DGKB: variants seen among roughly 807,000 people sequenced by gnomAD.
DGKB encodes diacylglycerol kinase beta.
DGKB carries 67 observed loss-of-function variants against 114.3 expected under a neutral mutation model. That is an observed-to-expected ratio of 0.59 (90% confidence interval 0.48 to 0.72). The LOEUF is 0.72. DGKB is among the 30% of genes least tolerant of loss of function. DGKB has a pLI of 0.00. For missense variants in DGKB, 907 were observed against 975.2 expected, an observed-to-expected ratio of 0.93 and a Z score of 0.93; for synonymous variants, 398 against 323.1, an observed-to-expected ratio of 1.23 and a Z score of -2.49.
intron 23 of DGKB, among the ~76,000 whole-genome samples, chr7:14,224,478 CAAT>C: frequency 6.6e-6 from 1 of 152,076 alleles, no homozygotes; most frequent in Admixed American, 6.6e-5. Flanking sequence ...CTGTTTAACT[CAAT>C]ATCTGCTTGC....
At chr7:14,452,089 T>C (rs779351587) in intron 21 of DGKB, among the ~76,000 whole-genome samples, 5 of 152,128 alleles carry the variant, frequency 3.3e-5, no homozygotes, top group Admixed American at 6.6e-5. Flanking sequence ...TTTGACTGTT[T>C]AGAAAATATT....
intron 16 of DGKB, 60 bp downstream of exon 16, chr7:14,613,280 G>C (rs1262435809): frequency 1.0e-6 from 1 of 994,870 alleles, no homozygotes; most frequent in African/African-American, 1.6e-5. Context: ...TTACATCATA[G>C]TTTTGTCTAT....
intron 9 of DGKB, among the ~76,000 whole-genome samples, chr7:14,688,790 T>G (rs1011551001): frequency 6.6e-6 from 1 of 151,916 alleles, no homozygotes; most frequent in African/African-American, 2.4e-5. Flanking sequence ...CCTATTATCC[T>G]AGTGATTCTA....
chr7:14,746,214 G>T, intron 4 of DGKB, among the ~76,000 whole-genome samples: 1 of 152,030 alleles, frequency 6.6e-6, no homozygotes, highest in East Asian at 1.9e-4. Flanking sequence ...TGTGCCTATT[G>T]TCACAGCTAC....
At chr7:14,741,278 C>T (rs1160124771) in intron 4 of DGKB, among the ~76,000 whole-genome samples, 1 of 152,156 alleles carries the variant, frequency 6.6e-6, no homozygotes, top group Non-Finnish European at 1.5e-5. Flanking sequence ...TTTTGGCCTC[C>T]CTCTCCCTGT....
intron 23 of DGKB, among the ~76,000 whole-genome samples, chr7:14,289,638 A>C (rs1014390526): frequency 6.6e-6 from 1 of 152,068 alleles, no homozygotes; most frequent in Non-Finnish European, 1.5e-5. Flanking sequence ...AAGAAGAATA[A>C]TACTATTAAA....
intron 23 of DGKB, among the ~76,000 whole-genome samples, chr7:14,248,276 G>T (rs1362267393): frequency 6.6e-6 from 1 of 152,040 alleles, no homozygotes; most frequent in Non-Finnish European, 1.5e-5. Flanking sequence ...AAATCAAGTA[G>T]TGTGATACAT....
At chr7:14,932,075 GAA>G (rs1785049095) in intron 1 of DGKB, among the ~76,000 whole-genome samples, 1 of 152,172 alleles carries the variant, frequency 6.6e-6, no homozygotes, top group Non-Finnish European at 1.5e-5. Flanking sequence ...CTAGATTGGA[GAA>G]GTTTCTTTTC....
intron 21 of DGKB, among the ~76,000 whole-genome samples, chr7:14,430,970 G>C (rs1046656107): frequency 2.0e-5 from 3 of 152,074 alleles, no homozygotes; most frequent in African/African-American, 7.2e-5. Flanking sequence ...CTACCTCAGA[G>C]AGGAATTTCC....
chr7:14,474,851 G>A (rs1781938924), intron 21 of DGKB, among the ~76,000 whole-genome samples: 1 of 150,890 alleles, frequency 6.6e-6, no homozygotes, highest in Non-Finnish European at 1.5e-5. Flanking sequence ...TGAGTCTAAA[G>A]GACTGGAAGT....
At chr7:14,767,240 T>G (rs1324607009) in intron 2 of DGKB, among the ~76,000 whole-genome samples, 1 of 151,630 alleles carries the variant, frequency 6.6e-6, no homozygotes, top group Admixed American at 6.6e-5. Flanking sequence ...CCCACTAGAA[T>G]GTTGTCCTTT....
chr7:14,836,473 C>T (rs909952147), intron 2 of DGKB, among the ~76,000 whole-genome samples: 6 of 152,238 alleles, frequency 3.9e-5, no homozygotes, highest in Non-Finnish European at 5.9e-5. Context: ...GGAAATATCA[C>T]GTAGATTTCA....
rs73055025 is a variant in DGKB, at chr7:14,867,913, T to G, written c.-187-26463A>C. On this transcript the variant is annotated intron_variant, in intron 1 of 25. Coordinates refer to ENST00000402815, the MANE Select transcript of DGKB (RefSeq NM_001350709.2). Reference sequence around the variant, plus strand: ...CAAACATCATTAGCACTAATTAAGGTAGCTTCAGCGAAGAATCCTGCTGCA... The same window carrying G: ...CAAACATCATTAGCACTAATTAAGGGAGCTTCAGCGAAGAATCCTGCTGCA... Among the ~76,000 whole-genome samples the G allele has an allele frequency of 1.3e-3, 198 of 152,248 alleles. 1 individual carries two copies. Among genetic ancestry groups the G allele is most frequent in the Middle Eastern group, 0.01 (3 of 294 alleles).
intron 23 of DGKB, among the ~76,000 whole-genome samples, chr7:14,319,228 G>A (rs1420434991): frequency 6.6e-6 from 1 of 151,652 alleles, no homozygotes; most frequent in South Asian, 2.1e-4. Flanking sequence ...CGTGGCACAT[G>A]TATACGTATG....
chr7:14,741,518 C>T (rs1202476893), intron 4 of DGKB, among the ~76,000 whole-genome samples: 5 of 152,038 alleles, frequency 3.3e-5, no homozygotes, highest in South Asian at 2.1e-4. Flanking sequence ...TTTTTGTCTC[C>T]GCTATTTTAC....
chr7:14,258,464 T>C (rs1019675109), intron 23 of DGKB, among the ~76,000 whole-genome samples: 2 of 152,216 alleles, frequency 1.3e-5, no homozygotes, highest in Admixed American at 6.5e-5. Flanking sequence ...ATGAAATTTA[T>C]AAACAGCTGA....
intron 23 of DGKB, among the ~76,000 whole-genome samples, chr7:14,194,131 CA>C (rs1481368086): frequency 3.3e-5 from 5 of 152,014 alleles, no homozygotes; most frequent in African/African-American, 1.2e-4. Context: ...TTATGGAAAA[CA>C]GTATGGAGGT....
chr7:14,668,470 G>GTAC (rs1818424420), intron 13 of DGKB, among the ~76,000 whole-genome samples: 1 of 152,074 alleles, frequency 6.6e-6, no homozygotes, highest in South Asian at 2.1e-4. Flanking sequence ...AAATTGCCAT[G>GTAC]TACTATTCAT....
intron 2 of DGKB, among the ~76,000 whole-genome samples, chr7:14,814,432 G>GA (rs1843832532): frequency 1.3e-5 from 2 of 152,186 alleles, no homozygotes; most frequent in Non-Finnish European, 2.9e-5. Context: ...CTTGCTGTAT[G>GA]AAAAAACACA....
Sources: gnomAD v4.1 joint callset for allele counts (sites outside exome capture counted in the v4.1 genomes callset) on GRCh38, gnomAD v4.1.1 for gene constraint, MANE v1.5 for transcripts, NCBI Gene and HGNC (gene_info 2026-07-23, HGNC 2026-07-21) for gene names.